Variants in ZFAND6 observed in about 807,000 individuals in gnomAD.
ZFAND6 encodes the protein zinc finger AN1-type containing 6, also known as AN1-type zinc finger protein 6.
Under a neutral mutation model 24.5 loss-of-function variants are expected in ZFAND6, and 12 were observed. That is an observed-to-expected ratio of 0.49 (90% CI 0.31 to 0.79). The LOEUF (loss-of-function observed/expected upper bound fraction) is 0.79, where lower values mean the gene tolerates loss of function less well. Ranked by LOEUF, ZFAND6 falls within the 30% of genes least tolerant of loss-of-function variation. ZFAND6 has a pLI of 0.04. For missense variants in ZFAND6, 207 were observed against 245.9 expected, an observed-to-expected ratio of 0.84 and a Z score of 1.06; for synonymous variants, 92 against 81.5, an observed-to-expected ratio of 1.13 and a Z score of -0.69.
chr15:80,074,848 CTTAAG>C (rs1374733879), intron 1 of ZFAND6, among the ~76,000 whole-genome samples: 1 of 151,912 alleles, frequency 6.6e-6, no homozygotes, highest in African/African-American at 2.4e-5. Context: ...CTAGAATAAA[CTTAAG>C]TTGTGTTAAA....
chr15:80,119,172 T>A (rs761577078), intron 2 of ZFAND6, among the ~76,000 whole-genome samples: 4 of 152,200 alleles, frequency 2.6e-5, no homozygotes, highest in Non-Finnish European at 5.9e-5. Context: ...TTCTTCCATC[T>A]GCTGTAATTG....
chr15:80,098,779 T>C, intron 2 of ZFAND6, among the ~76,000 whole-genome samples: 1 of 152,298 alleles, frequency 6.6e-6, no homozygotes, highest in East Asian at 1.9e-4. Flanking sequence ...ATAACATTTA[T>C]AACTAATGTT....
chr15:80,111,348 C>T (rs2039599810), intron 2 of ZFAND6: 1 of 363,886 alleles, frequency 2.7e-6, no homozygotes, highest in South Asian at 2.1e-5. Context: ...CTGCAGACAC[C>T]AGAATTTGTG....
intron 2 of ZFAND6, among the ~76,000 whole-genome samples, chr15:80,103,994 G>A (rs2039175061): frequency 1.3e-5 from 2 of 152,118 alleles, no homozygotes; most frequent in African/African-American, 4.8e-5. Context: ...GACCACAGCT[G>A]TGCACCACCA....
At chr15:80,103,473 A>G (rs930155218) in intron 2 of ZFAND6, among the ~76,000 whole-genome samples, 61 of 152,130 alleles carry the variant, frequency 4.0e-4, no homozygotes, top group African/African-American at 1.4e-3. Flanking sequence ...CTGAAATTTA[A>G]CTCTTGTAAC....
chr15:80,128,746 C>T (rs1297354396), intron 5 of ZFAND6, among the ~76,000 whole-genome samples: 1 of 152,166 alleles, frequency 6.6e-6, no homozygotes, highest in Non-Finnish European at 1.5e-5. Flanking sequence ...TTTAGATAGC[C>T]TTCTGATCCT....
At chr15:80,093,818 G>C (rs983609489) in intron 1 of ZFAND6, among the ~76,000 whole-genome samples, 3 of 152,238 alleles carry the variant, frequency 2.0e-5, no homozygotes, top group Non-Finnish European at 4.4e-5. Context: ...GAATAGCAGA[G>C]CTTTACTGGA....
chr15:80,093,583 G>A (rs1285486107), intron 1 of ZFAND6, among the ~76,000 whole-genome samples: 7 of 152,024 alleles, frequency 4.6e-5, no homozygotes, highest in Admixed American at 2.6e-4. Context: ...AAATTAGTCG[G>A]GCATGGTGGC....
intron 5 of ZFAND6, among the ~76,000 whole-genome samples, chr15:80,124,413 A>G (rs1429446920): frequency 6.6e-6 from 1 of 152,098 alleles, no homozygotes; most frequent in East Asian, 1.9e-4. Context: ...AGCCTGGGCA[A>G]CAGAGCGAGA....
At chr15:80,109,772 A>AGGGAGATATATATACCAGAAGCTGT (rs2039515269) in intron 2 of ZFAND6, among the ~76,000 whole-genome samples, 1 of 152,244 alleles carries the variant, frequency 6.6e-6, no homozygotes, top group South Asian at 2.1e-4. Context: ...GGCAAGAAGC[A>AGGGAGATATATATACCAGAAGCTGT]GGGAGATATA....
chr15:80,074,866 CA>C (rs1567053349), intron 1 of ZFAND6, among the ~76,000 whole-genome samples: 3 of 151,922 alleles, frequency 2.0e-5, no homozygotes, highest in Admixed American at 1.3e-4. Flanking sequence ...GTGTTAAAAT[CA>C]AAGACAATTC....
chr15:80,107,774 G>A (rs1190938792), intron 2 of ZFAND6, among the ~76,000 whole-genome samples: 6 of 151,722 alleles, frequency 4.0e-5, no homozygotes, highest in Non-Finnish European at 8.8e-5. Flanking sequence ...AGCCAAGATC[G>A]TGCCACTGCA....
chr15:80,089,790 A>G (rs952802770), intron 1 of ZFAND6, among the ~76,000 whole-genome samples: 5 of 151,880 alleles, frequency 3.3e-5, no homozygotes, highest in South Asian at 2.1e-4. Context: ...TGCTTGAACT[A>G]TGTTTTCCTT....
At chr15:80,104,188 A>C (rs1286036933) in intron 2 of ZFAND6, among the ~76,000 whole-genome samples, 2 of 152,190 alleles carry the variant, frequency 1.3e-5, no homozygotes, top group African/African-American at 4.8e-5. Context: ...ACTGGCTGTT[A>C]ACTGAAGGTG....
intron 1 of ZFAND6, among the ~76,000 whole-genome samples, chr15:80,080,123 G>T (rs942355744): frequency 6.6e-6 from 1 of 151,562 alleles, no homozygotes; most frequent in Non-Finnish European, 1.5e-5. Context: ...CTCAGCCTCC[G>T]AGTAGCTGGG....
intron 1 of ZFAND6, among the ~76,000 whole-genome samples, chr15:80,067,730 C>T (rs1182592270): frequency 6.6e-6 from 1 of 151,910 alleles, no homozygotes; most frequent in South Asian, 2.1e-4. Flanking sequence ...AGATACTTAT[C>T]TTAATTTATA....
intron 1 of ZFAND6, among the ~76,000 whole-genome samples, chr15:80,071,283 GT>G (rs1162483028): frequency 1.3e-5 from 2 of 152,064 alleles, no homozygotes; most frequent in African/African-American, 4.8e-5. Context: ...ATGTTTAAAG[GT>G]TTTGTCACTT....
chr15:80,097,154 C>G (rs754981577), intron 1 of ZFAND6, among the ~76,000 whole-genome samples: 1 of 151,806 alleles, frequency 6.6e-6, no homozygotes, highest in African/African-American at 2.4e-5. Context: ...CATGTGCCAC[C>G]ATGCCCTGCT....
intron 1 of ZFAND6, among the ~76,000 whole-genome samples, chr15:80,084,599 C>T (rs1015789854): frequency 5.9e-5 from 9 of 152,140 alleles, no homozygotes; most frequent in East Asian, 1.9e-4. Flanking sequence ...ATGACCAAGG[C>T]GTTAAGCCGG....
Sources: gnomAD v4.1 joint callset for allele counts (sites outside exome capture counted in the v4.1 genomes callset) on GRCh38, gnomAD v4.1.1 for gene constraint, MANE v1.5 for transcripts, NCBI Gene and HGNC (gene_info 2026-07-23, HGNC 2026-07-21) for gene names.